The following CRIM1 variants were observed in gnomAD, a reference collection of about 807,000 sequenced individuals.
CRIM1 encodes the protein cysteine-rich motor neuron 1 protein.
In CRIM1, 32 loss-of-function variants were observed where a neutral mutation model predicts 116.4. That is an observed-to-expected ratio of 0.27 (90% CI 0.21 to 0.37). CRIM1 has a LOEUF of 0.37. Among genes scored for constraint, CRIM1 ranks in the 10% least tolerant of loss-of-function variants. The probability of loss-of-function intolerance (pLI) is 1.00; values close to 1 mark genes in which losing one functional copy is unlikely to be tolerated. For synonymous variants in CRIM1, 590 were observed against 509.2 expected (o/e 1.16, Z -2.13); for missense variants, 1,331 against 1,354.8 (o/e 0.98, Z 0.28).
At chr2:36,506,161 T>A (rs2030647) in intron 8 of CRIM1, among the ~76,000 whole-genome samples, 357 of 67,432 alleles carry the variant, frequency 5.3e-3, no homozygotes, top group Middle Eastern at 0.024. Flanking sequence ...ACACACACTC[T>A]CTCTCTCTCT....
intron 13 of CRIM1, among the ~76,000 whole-genome samples, chr2:36,536,358 A>ATACC (rs140715): frequency 1.4e-3 from 207 of 151,704 alleles, no homozygotes; most frequent in African/African-American, 4.8e-3. Flanking sequence ...TTCCTTCTAG[A>ATACC]TGCCTTTGTA....
In CRIM1 at chr2:36,356,381, C is replaced by A. The variant is rs765353985; in HGVS notation, c.89C>A (p.Ser30Tyr). 6.3e-7 allele frequency: 1 copy of A among 1,598,010 alleles called. No individual in the cohort carries two copies. The highest frequency in any genetic ancestry group is 1.3e-5 in the African/African-American group (1 of 74,686). ...GGGCTGCTGCTGCTGCTGGCGCGCT[C>A]CGGCACCCGGGCGCTGGTCTGCCTG... ...LLGLLLLLAR[S>Y]GTRALVCLPC... Residue 30 changes from serine to tyrosine, a missense_variant, in exon 1 of 17, where the codon TCC becomes TAC. Ser to Tyr is a moderately radical substitution (Grantham distance 144). Transcript: ENST00000280527. This position sits in a 1 kb window ranked among gnomAD's most constrained non-coding sequence, Gnocchi z 4.3.
chr2:36,389,302 C>G (rs1332629374), intron 1 of CRIM1, among the ~76,000 whole-genome samples: 2 of 152,178 alleles, frequency 1.3e-5, no homozygotes, highest in East Asian at 3.9e-4. Flanking sequence ...CCTCCTCGAG[C>G]AGAACGGAAT....
chr2:36,369,587 A>G (rs952297001), intron 1 of CRIM1, among the ~76,000 whole-genome samples: 1 of 152,174 alleles, frequency 6.6e-6, no homozygotes, highest in African/African-American at 2.4e-5. Context: ...AAACATTTCT[A>G]CAGAACTTTT....
chr2:36,508,444 C>T (rs969875113), intron 8 of CRIM1, among the ~76,000 whole-genome samples: 3 of 152,108 alleles, frequency 2.0e-5, no homozygotes, highest in Non-Finnish European at 4.4e-5. Context: ...GGGACAGATG[C>T]GTTCTGTTTT....
rs78865467 is a variant in CRIM1 at position 36,529,043 on chromosome 2, C to G, written c.2428+6730C>G. 5.1e-3 allele frequency: 2,369 copies of G among 466,254 alleles called. 54 individuals are homozygous for G. Among genetic ancestry groups the G allele is most frequent in the African/African-American group, 0.044 (2,214 of 50,038 alleles). The allele number at this position is 466,254 out of a possible 1,614,324, so 28.9% of individuals were successfully genotyped here. On this transcript the variant is annotated intron_variant, in intron 13 of 16. Coordinates refer to ENST00000280527, the MANE Select transcript of CRIM1 (RefSeq NM_016441.3). ...GCATAGTCTTTAGGTGTGCTCCGCT[C>G]CAGCCCCACGTTCTTAATTTAAAGA...
At chr2:36,497,958 G>T (rs976569841) in intron 7 of CRIM1, among the ~76,000 whole-genome samples, 2 of 152,184 alleles carry the variant, frequency 1.3e-5, no homozygotes, top group Non-Finnish European at 1.5e-5. Flanking sequence ...GGGAACCTCT[G>T]TTCTGTTCTA....
intron 4 of CRIM1, among the ~76,000 whole-genome samples, chr2:36,443,697 A>T (rs1676030206): frequency 1.3e-5 from 2 of 152,222 alleles, no homozygotes; most frequent in Non-Finnish European, 2.9e-5. Flanking sequence ...TGGATAAGAT[A>T]GGAGTAGATG....
intron 1 of CRIM1, among the ~76,000 whole-genome samples, chr2:36,387,934 A>G (rs1484021320): frequency 6.7e-6 from 1 of 149,608 alleles, no homozygotes; most frequent in Non-Finnish European, 1.5e-5. Context: ...CTCTTTTTTC[A>G]AGTTGGATGC....
At chr2:36,421,258 A>G (rs1040501389) in intron 2 of CRIM1, among the ~76,000 whole-genome samples, 3 of 152,180 alleles carry the variant, frequency 2.0e-5, no homozygotes, top group Non-Finnish European at 4.4e-5. Flanking sequence ...TCCTGATTAA[A>G]TTTCCTTTTT....
intron 5 of CRIM1, among the ~76,000 whole-genome samples, chr2:36,474,007 G>A (rs1426771420): frequency 6.6e-6 from 1 of 152,084 alleles, no homozygotes; most frequent in Admixed American, 6.5e-5. Flanking sequence ...ATCCTCATCA[G>A]TGCTCGTTAC....
At position 36,512,253 on chromosome 2, in the gene CRIM1, A is replaced by G; in HGVS notation, c.1659-20A>G. On this transcript the variant is annotated intron_variant, in intron 9 of 16. Coordinates refer to ENST00000280527, the MANE Select transcript of CRIM1 (RefSeq NM_016441.3). Reference sequence around the variant, plus strand: ...AGACTTTGTGATTTTCTGACCTCTGACAAAATTTTAATTACCCAGGAAGAA... The same window carrying G: ...AGACTTTGTGATTTTCTGACCTCTGGCAAAATTTTAATTACCCAGGAAGAA... 2 of 1,608,396 alleles carry G rather than the reference A, an allele frequency of 1.2e-6. No homozygotes were observed. The highest frequency in any genetic ancestry group is 1.7e-6 in the Non-Finnish European group (2 of 1,175,198).
At chr2:36,447,816 G>T (rs984059117) in intron 4 of CRIM1, among the ~76,000 whole-genome samples, 6 of 152,148 alleles carry the variant, frequency 3.9e-5, no homozygotes, top group Non-Finnish European at 7.3e-5. Context: ...TTCATTTTCT[G>T]ATTGCAGGAA....
At chr2:36,469,150 A>G (rs115854418) in intron 5 of CRIM1, among the ~76,000 whole-genome samples, 250 of 152,300 alleles carry the variant, frequency 1.6e-3, no homozygotes, top group Non-Finnish European at 3.0e-3. Flanking sequence ...AGTCATCAGC[A>G]CAAAAGAGGA....
chr2:36,456,950 T>C (rs1445344757), intron 4 of CRIM1, among the ~76,000 whole-genome samples: 5 of 152,126 alleles, frequency 3.3e-5, no homozygotes, highest in Non-Finnish European at 5.9e-5. Flanking sequence ...TAAATTCTTA[T>C]AGGAACCACG....
At chr2:36,376,883 T>C (rs765146166) in intron 1 of CRIM1, among the ~76,000 whole-genome samples, 8 of 152,204 alleles carry the variant, frequency 5.3e-5, no homozygotes, top group Non-Finnish European at 1.0e-4. Context: ...CTTATAGCAT[T>C]TGGGGGATGG....
At chr2:36,532,488 T>C (rs553588234) in intron 13 of CRIM1, among the ~76,000 whole-genome samples, 8 of 152,218 alleles carry the variant, frequency 5.3e-5, no homozygotes, top group Non-Finnish European at 1.2e-4. Flanking sequence ...TCTCCACTCC[T>C]TGATAGCACT....
intron 1 of CRIM1, among the ~76,000 whole-genome samples, chr2:36,360,786 G>C (rs1392963622): frequency 2.0e-5 from 3 of 152,166 alleles, no homozygotes; most frequent in Non-Finnish European, 4.4e-5. Context: ...CTGAAGTTAA[G>C]AGTCCACGAA....
chr2:36,441,543 A>G (rs1339013036), intron 3 of CRIM1, 43 bp downstream of exon 3: 26 of 1,593,044 alleles, frequency 1.6e-5, no homozygotes, highest in Non-Finnish European at 2.1e-5. Flanking sequence ...CCTTTGCATC[A>G]GAGGGTAGCA....
Sources: allele counts gnomAD v4.1 joint callset (sites outside exome capture counted in the v4.1 genomes callset), GRCh38; gene constraint gnomAD v4.1.1; non-coding constraint Gnocchi (gnomAD v3.1); transcripts MANE v1.5; gene names NCBI Gene and HGNC (gene_info 2026-07-23, HGNC 2026-07-21).